The following SYN2 variants were observed in gnomAD, a reference collection of about 807,000 sequenced individuals.
The protein encoded by SYN2 is synapsin-2.
SYN2 carries 19 observed loss-of-function variants against 50.9 expected under a neutral mutation model. The observed-to-expected ratio is 0.37, with a 90% CI of 0.26 to 0.55. The LOEUF is 0.55. SYN2 is among the 20% of genes least tolerant of loss of function. SYN2 has a pLI of 0.81. For missense variants in SYN2, 587 were observed against 576.4 expected (o/e 1.02, Z -0.19); for synonymous variants, 255 against 224.9 (o/e 1.13, Z -1.20).
chr3:12,120,314 G>A (rs1017349971), intron 1 of SYN2, among the ~76,000 whole-genome samples: 6 of 152,130 alleles, frequency 3.9e-5, no homozygotes, highest in African/African-American at 1.4e-4. Flanking sequence ...TATTTCCCAA[G>A]GGGAGGAAAC....
At chr3:12,158,793 C>T in intron 5 of SYN2, 1 of 1,603,314 alleles carries the variant, frequency 6.2e-7, no homozygotes, top group Non-Finnish European at 8.5e-7. Flanking sequence ...ACGCCAGCAG[C>T]CGCAGCAACA....
At chr3:12,188,581 T>C (rs1419486372) in intron 12 of SYN2, among the ~76,000 whole-genome samples, 1 of 150,276 alleles carries the variant, frequency 6.7e-6, no homozygotes. Flanking sequence ...CATGTAGTCA[T>C]TGCAGATGAG....
At chr3:12,154,423 G>A in intron 5 of SYN2, 1 of 1,614,112 alleles carries the variant, frequency 6.2e-7, no homozygotes. Flanking sequence ...ACAGATGGAT[G>A]AAGACTTTTC....
chr3:12,085,655 C>G (rs1695686240), intron 1 of SYN2, among the ~76,000 whole-genome samples: 1 of 151,868 alleles, frequency 6.6e-6, no homozygotes, highest in African/African-American at 2.4e-5. Context: ...CCTAGAACAA[C>G]CAATGGATCA....
chr3:12,155,706 G>A (rs73813139), intron 5 of SYN2, among the ~76,000 whole-genome samples: 5,137 of 152,174 alleles, frequency 0.034, 267 homozygotes, highest in African/African-American at 0.11. Flanking sequence ...ACTATTTTTT[G>A]TCATTTCTCC....
chr3:12,052,853 TAA>T (rs1246922051), intron 1 of SYN2, among the ~76,000 whole-genome samples: 1 of 152,216 alleles, frequency 6.6e-6, no homozygotes, highest in African/African-American at 2.4e-5. Flanking sequence ...AGAGAAATGC[TAA>T]GTTAGGAGAT....
intron 1 of SYN2, among the ~76,000 whole-genome samples, chr3:12,062,643 T>G (rs1321682502): frequency 6.6e-6 from 1 of 151,994 alleles, no homozygotes; most frequent in Admixed American, 6.6e-5. Context: ...CCAATAACTC[T>G]AAGACTCAAT....
chr3:12,038,963 A>G (rs1694556930), intron 1 of SYN2, among the ~76,000 whole-genome samples: 1 of 152,148 alleles, frequency 6.6e-6, no homozygotes, highest in Admixed American at 6.5e-5. Context: ...AGAAGTTGAG[A>G]GAATGGATAT....
intron 10 of SYN2, among the ~76,000 whole-genome samples, chr3:12,174,985 T>G (rs963205028): frequency 6.6e-6 from 1 of 152,118 alleles, no homozygotes; most frequent in Non-Finnish European, 1.5e-5. Context: ...TGGCTATATC[T>G]CTAGGGCCAC....
chr3:12,105,636 A>G (rs1303371580), intron 1 of SYN2, among the ~76,000 whole-genome samples: 1 of 151,806 alleles, frequency 6.6e-6, no homozygotes, highest in Non-Finnish European at 1.5e-5. Context: ...AATATTCTCA[A>G]AGACCCTTAG....
At chr3:12,113,104 A>G (rs1202385215) in intron 1 of SYN2, among the ~76,000 whole-genome samples, 3 of 152,148 alleles carry the variant, frequency 2.0e-5, no homozygotes, top group Non-Finnish European at 2.9e-5. Flanking sequence ...GTCTGTTATC[A>G]TCCTAAAGAA....
intron 5 of SYN2, chr3:12,158,505 C>A: frequency 2.8e-6 from 2 of 707,190 alleles, no homozygotes; most frequent in Non-Finnish European, 4.5e-6. Flanking sequence ...ATCTTCATTT[C>A]CTTATGAATC....
intron 1 of SYN2, among the ~76,000 whole-genome samples, chr3:12,066,360 C>T (rs748851727): frequency 1.8e-4 from 27 of 152,030 alleles, no homozygotes; most frequent in Non-Finnish European, 3.8e-4. Flanking sequence ...ATGAAAGCAG[C>T]TGTTTCAATG....
intron 1 of SYN2, among the ~76,000 whole-genome samples, chr3:12,057,287 CTGTGTG>C (rs59286785): frequency 4.4e-4 from 59 of 134,002 alleles, no homozygotes; most frequent in South Asian, 2.7e-3. Flanking sequence ...GCAAGACTGT[CTGTGTG>C]TGTGTGTGTG....
At chr3:12,176,588 TGAGCTGATCAGAGCA>T (rs1698074096) in intron 10 of SYN2, among the ~76,000 whole-genome samples, 1 of 152,194 alleles carries the variant, frequency 6.6e-6, no homozygotes, top group Non-Finnish European at 1.5e-5. Context: ...TCTCCTACCC[TGAGCTGATCAGAGCA>T]CATCTGAAAT....
chr3:12,097,473 G>A (rs1273295529), intron 1 of SYN2, among the ~76,000 whole-genome samples: 2 of 142,018 alleles, frequency 1.4e-5, no homozygotes. Flanking sequence ...GGGTGTGGTG[G>A]CGCACGCCTG....
intron 7 of SYN2, among the ~76,000 whole-genome samples, chr3:12,163,166 C>T (rs1337363998): frequency 6.9e-6 from 1 of 145,838 alleles, no homozygotes; most frequent in African/African-American, 2.6e-5. Context: ...GGCATGAACC[C>T]GGAAGGCAGA....
At chr3:12,010,176 T>C (rs1473320805) in intron 1 of SYN2, among the ~76,000 whole-genome samples, 1 of 152,218 alleles carries the variant, frequency 6.6e-6, no homozygotes, top group East Asian at 1.9e-4. Flanking sequence ...ATAAAGTTAG[T>C]AGGACTGTGC....
At chr3:12,040,502 G>GGC (rs998632141) in intron 1 of SYN2, among the ~76,000 whole-genome samples, 1 of 146,780 alleles carries the variant, frequency 6.8e-6, no homozygotes, top group Non-Finnish European at 1.5e-5. Flanking sequence ...GCGTGATCTC[G>GGC]GCTCACTGCA....
Sources: gnomAD v4.1 joint callset for allele counts (sites outside exome capture counted in the v4.1 genomes callset) on GRCh38, gnomAD v4.1.1 for gene constraint, MANE v1.5 for transcripts, NCBI Gene and HGNC (gene_info 2026-07-23, HGNC 2026-07-21) for gene names.